CCNY: variants seen among roughly 807,000 people sequenced by gnomAD.
CCNY encodes cyclin-Y.
A neutral mutation model predicts 42.8 loss-of-function variants in CCNY; 19 were observed. The observed-to-expected ratio is 0.44, with a 90% confidence interval of 0.31 to 0.65. The LOEUF is 0.65. Ranked by LOEUF, CCNY falls within the 30% of genes least tolerant of loss-of-function variation. The probability of loss-of-function intolerance (pLI) is 0.07; values close to 1 mark genes in which losing one functional copy is unlikely to be tolerated. For missense variants in CCNY, 370 were observed against 437.3 expected (o/e 0.85, Z 1.37); for synonymous variants, 165 against 162.7 (o/e 1.01, Z -0.11).
In CCNY at chr10:35,519,613, G is replaced by A. The variant is rs188961093; in HGVS notation, c.365+2990G>A. Among the ~76,000 whole-genome samples the A allele has an allele frequency of 2.7e-3, 415 of 151,860 alleles. 5 individuals are homozygous for A. The highest frequency in any genetic ancestry group is 2.1e-3 in the Non-Finnish European group (143 of 67,956). On this transcript the variant is annotated intron_variant, in intron 4 of 9. Transcript: ENST00000374704. ...TTTTAAATGAACTGCGGGTTAGAAT[G>A]TAGAGAACAGAGAAGCTGAAGAGTA...
chr10:35,446,516 T>C (rs983338391), intron 1 of CCNY, among the ~76,000 whole-genome samples: 2 of 152,254 alleles, frequency 1.3e-5, no homozygotes, highest in Non-Finnish European at 2.9e-5. Flanking sequence ...CTGTCCCTGC[T>C]TTTAGTAAAA....
chr10:35,305,864 C>T (rs1835600203), intron 3 of CCNY, among the ~76,000 whole-genome samples: 2 of 152,082 alleles, frequency 1.3e-5, no homozygotes, highest in South Asian at 4.1e-4. Context: ...GCCAGTCTGA[C>T]CCCTTGTAAG....
At chr10:35,511,363 G>T (rs1564440560) in intron 3 of CCNY, among the ~76,000 whole-genome samples, 1 of 152,206 alleles carries the variant, frequency 6.6e-6, no homozygotes, top group Non-Finnish European at 1.5e-5. Flanking sequence ...GCTGTGGAGG[G>T]TGAACACGGG....
At chr10:35,461,569 A>G (rs571078758) in intron 1 of CCNY, among the ~76,000 whole-genome samples, 3 of 152,222 alleles carry the variant, frequency 2.0e-5, no homozygotes, top group Non-Finnish European at 2.9e-5. Flanking sequence ...GGAAGTGCAC[A>G]GTTGGGCCCA....
intron 1 of CCNY, among the ~76,000 whole-genome samples, chr10:35,341,812 G>T (rs957724008): frequency 6.6e-6 from 1 of 152,066 alleles, no homozygotes; most frequent in African/African-American, 2.4e-5. Context: ...AGCTTAAAAA[G>T]AAAAAAAGCA....
chr10:35,347,663 G>A (rs1029914228), intron 1 of CCNY, among the ~76,000 whole-genome samples: 4 of 152,052 alleles, frequency 2.6e-5, no homozygotes, highest in Admixed American at 6.6e-5. Flanking sequence ...AGGAATTAGT[G>A]TATGGGTGGG....
chr10:35,387,083 C>G (rs1417385542), intron 1 of CCNY, among the ~76,000 whole-genome samples: 1 of 152,130 alleles, frequency 6.6e-6, no homozygotes, highest in Non-Finnish European at 1.5e-5. Flanking sequence ...ATTCCACTGT[C>G]CTTTTATTCT....
intron 1 of CCNY, among the ~76,000 whole-genome samples, chr10:35,360,288 C>CTTTTTTTTTTTT (rs5784449): frequency 1.0e-5 from 1 of 99,898 alleles, no homozygotes; most frequent in African/African-American, 3.8e-5. Flanking sequence ...CTTTTCTTTT[C>CTTTTTTTTTTTT]TTTTTTTTTT....
intron 1 of CCNY, among the ~76,000 whole-genome samples, chr10:35,480,738 A>C (rs1208075275): frequency 6.6e-6 from 1 of 152,190 alleles, no homozygotes; most frequent in African/African-American, 2.4e-5. Context: ...AGGCTGAAGC[A>C]GGAGGATCAC....
intron 1 of CCNY, among the ~76,000 whole-genome samples, chr10:35,475,253 G>C (rs1350101132): frequency 1.3e-5 from 2 of 152,098 alleles, no homozygotes; most frequent in East Asian, 3.9e-4. Context: ...ATCTAGCAAG[G>C]CAGGCCAACA....
At chr10:35,490,863 A>G (rs2135377901) in intron 2 of CCNY, among the ~76,000 whole-genome samples, 1 of 152,276 alleles carries the variant, frequency 6.6e-6, no homozygotes, top group East Asian at 1.9e-4. Context: ...TTCTTTGTGA[A>G]GTTGTGAGGG....
chr10:35,415,423 C>T (rs1394282900), intron 1 of CCNY, among the ~76,000 whole-genome samples: 2 of 152,016 alleles, frequency 1.3e-5, no homozygotes, highest in East Asian at 1.9e-4. Context: ...GGTGCCTAAT[C>T]CTCAGGGCAG....
chr10:35,457,741 C>A (rs556635667), intron 1 of CCNY, among the ~76,000 whole-genome samples: 1 of 152,078 alleles, frequency 6.6e-6, no homozygotes, highest in African/African-American at 2.4e-5. Flanking sequence ...CCACCACACC[C>A]GGCTAATTTT....
At chr10:35,359,814 T>G (rs193035299) in intron 1 of CCNY, among the ~76,000 whole-genome samples, 5 of 152,356 alleles carry the variant, frequency 3.3e-5, no homozygotes, top group Non-Finnish European at 5.9e-5. Flanking sequence ...TGACCACCAT[T>G]CTTTTGGTGC....
intron 1 of CCNY, among the ~76,000 whole-genome samples, chr10:35,468,263 G>A (rs192738960): frequency 1.3e-5 from 2 of 152,242 alleles, no homozygotes; most frequent in Admixed American, 1.3e-4. Context: ...CATTCGTGAG[G>A]GCTCTGCCCT....
intron 3 of CCNY, among the ~76,000 whole-genome samples, chr10:35,304,311 A>ATT (rs1233409039): frequency 4.2e-5 from 2 of 47,562 alleles, no homozygotes; most frequent in Non-Finnish European, 7.2e-5. Context: ...TTTTTTTTTT[A>ATT]TTTTTTATTT....
intron 7 of CCNY, among the ~76,000 whole-genome samples, chr10:35,541,746 T>G (rs11817683): frequency 6.6e-6 from 1 of 152,064 alleles, no homozygotes; most frequent in East Asian, 1.9e-4. Context: ...GTTTACTTAG[T>G]TTTTACCCAG....
chr10:35,267,427 C>G (rs1188660926), intron 3 of CCNY, among the ~76,000 whole-genome samples: 1 of 152,130 alleles, frequency 6.6e-6, no homozygotes, highest in Non-Finnish European at 1.5e-5. Context: ...TGCTCAAACA[C>G]TCTGGGGCTG....
chr10:35,354,003 G>C (rs970772927), intron 1 of CCNY, among the ~76,000 whole-genome samples: 1 of 152,118 alleles, frequency 6.6e-6, no homozygotes, highest in African/African-American at 2.4e-5. Flanking sequence ...TAGGGGAACT[G>C]CCTCCAGGCT....
Sources: gnomAD v4.1 joint callset for allele counts (sites outside exome capture counted in the v4.1 genomes callset) on GRCh38, gnomAD v4.1.1 for gene constraint, MANE v1.5 for transcripts, NCBI Gene and HGNC (gene_info 2026-07-23, HGNC 2026-07-21) for gene names.